POMT2: variants seen among roughly 807,000 people sequenced by gnomAD.
The protein encoded by POMT2 is protein O-mannosyl-transferase 2.
A neutral mutation model predicts 100.0 loss-of-function variants in POMT2; 75 were observed. The ratio of observed to expected loss-of-function variants is 0.75; its 90% CI spans 0.62 to 0.91. The LOEUF (loss-of-function observed/expected upper bound fraction) is 0.91, where lower values mean the gene tolerates loss of function less well. Ranked by LOEUF, POMT2 falls within the 40% of genes least tolerant of loss-of-function variation. The pLI, the probability that POMT2 is intolerant of heterozygous loss-of-function variation, is 0.00. For missense variants in POMT2, 940 were observed against 955.1 expected (o/e 0.98, Z 0.21); for synonymous variants, 378 against 374.1 (o/e 1.01, Z -0.12).
intron 16 of POMT2, 59 bp downstream of exon 16, chr14:77,280,333 T>C: frequency 1.9e-6 from 3 of 1,542,686 alleles, no homozygotes. Context: ...CCTCCACCGG[T>C]CTCCCTGCTC....
intron 1 of POMT2, 96 bp downstream of exon 1, chr14:77,320,338 C>A (rs1042682557): frequency 2.0e-6 from 3 of 1,535,214 alleles, no homozygotes; most frequent in East Asian, 4.9e-5. Flanking sequence ...GGCCCTCCTC[C>A]TATAGATCCC....
At chr14:77,306,901 G>A (rs952714448) in intron 2 of POMT2, 3 of 204,404 alleles carry the variant, frequency 1.5e-5, no homozygotes, top group East Asian at 1.3e-4. Context: ...CAGGAATAGA[G>A]ACAAGAGAAG....
In POMT2 at chr14:77,275,678, C is replaced by A. The variant is rs1318800474; in HGVS notation, c.*1698G>T. On this transcript the variant is annotated 3_prime_UTR_variant, in exon 21 of 21. Coordinates refer to ENST00000261534, the MANE Select transcript of POMT2 (RefSeq NM_013382.7). ...AGCAGAGCTTCTCCATCCCTCCTCT[C>A]CTTCCCTGCCAGAAATGCAATTAAG... 6.6e-6 allele frequency: 1 copy of A among 152,270 alleles called. No homozygotes were observed. The highest frequency in any genetic ancestry group is 1.5e-5 in the Non-Finnish European group (1 of 68,094). The allele number at this position is 152,270 out of a possible 1,614,324, so 9.4% of individuals were successfully genotyped here. A position where few individuals can be genotyped will look rare whatever the true frequency, so the allele number is the denominator to read the frequency against.
At chr14:77,296,472 C>T (rs531023641) in intron 8 of POMT2, 199 bp from the exon 9 acceptor site, 6 of 591,310 alleles carry the variant, frequency 1.0e-5, no homozygotes, top group South Asian at 3.9e-5. Context: ...CTTACTCCCC[C>T]GCCTCCTGAG....
At chr14:77,296,512 T>C in intron 8 of POMT2, 1 of 558,214 alleles carries the variant, frequency 1.8e-6, no homozygotes, top group Non-Finnish European at 3.2e-6. Flanking sequence ...GTTAACACTG[T>C]CATTATCAAA....
In POMT2 at chr14:77,320,510, AC is replaced by A; in HGVS notation, c.171del (p.Trp57CysfsTer8). The part of the protein sequence containing the change: ...WGSRRFEAVG[W>X]WALLALVTLL... Reference sequence around the variant, plus strand: ...AGCGTCACCAAGGCCAGCAGGGCCCACCAGCCGACCGCCTCGAAGCGCCGTG... The same window carrying A: ...AGCGTCACCAAGGCCAGCAGGGCCCACAGCCGACCGCCTCGAAGCGCCGTG... On this transcript the variant is annotated frameshift_variant, in exon 1 of 21. Transcript: ENST00000261534. LOFTEE classifies it high-confidence loss of function. 1 of 1,549,020 alleles carries A rather than the reference AC, an allele frequency of 6.5e-7. No individual in the cohort carries two copies.
chr14:77,286,938 A>G, intron 11 of POMT2, 116 bp from the exon 12 acceptor site: 1 of 1,551,270 alleles, frequency 6.4e-7, no homozygotes, highest in East Asian at 2.4e-5. Flanking sequence ...TAGAATCTGA[A>G]CTATTAAATC....
At chr14:77,299,419 A>G (rs1353575878) in intron 7 of POMT2, 36 bp downstream of exon 7, 13 of 1,589,870 alleles carry the variant, frequency 8.2e-6, no homozygotes, top group Non-Finnish European at 1.1e-5. Context: ...CAAAAGGAAA[A>G]CCAGAAGCAA....
At chr14:77,299,692 G>C in intron 6 of POMT2, 131 bp from the exon 7 acceptor site, 106 of 676,766 alleles carry the variant, frequency 1.6e-4, no homozygotes, top group East Asian at 3.6e-4. Context: ...GGAGAGAGAA[G>C]AATATGTGGA....
intron 2 of POMT2, among the ~76,000 whole-genome samples, chr14:77,309,330 T>C (rs941878122): frequency 1.2e-4 from 19 of 152,260 alleles, no homozygotes; most frequent in Middle Eastern, 6.8e-3. Context: ...TCCTGTCTTA[T>C]GTTTTAAGTT....
At chr14:77,286,435 T>C (rs1209890562) in intron 12 of POMT2, among the ~76,000 whole-genome samples, 1 of 152,262 alleles carries the variant, frequency 6.6e-6, no homozygotes, top group Non-Finnish European at 1.5e-5. Context: ...TTGTGGGTCC[T>C]TGGCTTCTAT....
Position 77,320,689 on chromosome 14 carries a change from C to G in POMT2, c.-8G>C, listed in dbSNP as rs754489158. Reference sequence around the variant, plus strand: ...GCCCGTGGCCGGCGGCATCTTCCCCCTCCTCTGGGTCGCCCTCCGGCCCGG... The same window carrying G: ...GCCCGTGGCCGGCGGCATCTTCCCCGTCCTCTGGGTCGCCCTCCGGCCCGG... On this transcript the variant is annotated 5_prime_UTR_variant, in exon 1 of 21. Transcript: ENST00000261534. 3 of 1,593,266 alleles carry G rather than the reference C, an allele frequency of 1.9e-6. No homozygotes were observed. The highest frequency in any genetic ancestry group is 2.5e-6 in the Non-Finnish European group (3 of 1,178,070).
chr14:77,318,068 C>G (rs1337826964), intron 1 of POMT2, among the ~76,000 whole-genome samples: 1 of 152,146 alleles, frequency 6.6e-6, no homozygotes, highest in Non-Finnish European at 1.5e-5. Context: ...GTTATAGTTA[C>G]TAGGGTAGGA....
chr14:77,287,929 G>C (rs1298503404), intron 11 of POMT2: 4 of 152,166 alleles, frequency 2.6e-5, no homozygotes, highest in Non-Finnish European at 5.9e-5. Context: ...AACTTCTCAG[G>C]AACTAAGGAC....
At chr14:77,316,608 C>T (rs555226237) in intron 1 of POMT2, among the ~76,000 whole-genome samples, 124 of 151,302 alleles carry the variant, frequency 8.2e-4, no homozygotes, top group Non-Finnish European at 1.1e-3. Context: ...GCTAGCCTGG[C>T]CCTAGAGGCA....
Sources: gnomAD v4.1 joint callset for allele counts (sites outside exome capture counted in the v4.1 genomes callset) on GRCh38, gnomAD v4.1.1 for gene constraint, MANE v1.5 for transcripts, NCBI Gene and HGNC (gene_info 2026-07-23, HGNC 2026-07-21) for gene names.